CAMSAP2: variants seen among roughly 807,000 people sequenced by gnomAD.
CAMSAP2 encodes calmodulin regulated spectrin associated protein family member 2.
A neutral mutation model predicts 146.1 loss-of-function variants in CAMSAP2; 26 were observed. That is an observed-to-expected ratio of 0.18 (90% confidence interval 0.13 to 0.25). The LOEUF (loss-of-function observed/expected upper bound fraction) is 0.25. Ranked by LOEUF, CAMSAP2 falls within the 10% of genes least tolerant of loss-of-function variation. The pLI is 1.00. For synonymous variants in CAMSAP2, 499 were observed against 596.6 expected (o/e 0.84, Z 2.38); for missense variants, 1,381 against 1,759.3 (o/e 0.78, Z 3.85).
At chr1:200,831,179 T>C (rs1667033325) in intron 4 of CAMSAP2, among the ~76,000 whole-genome samples, 1 of 152,170 alleles carries the variant, frequency 6.6e-6, no homozygotes, top group Non-Finnish European at 1.5e-5. Flanking sequence ...GCAAAATACT[T>C]TCGTGTGTAC....
At chr1:200,824,400 A>G (rs1468010260) in intron 4 of CAMSAP2, among the ~76,000 whole-genome samples, 4 of 152,188 alleles carry the variant, frequency 2.6e-5, no homozygotes, top group Admixed American at 2.6e-4. Context: ...TCTGGGCACT[A>G]AGTGGCTCAT....
At chr1:200,811,873 C>G (rs529791983) in intron 3 of CAMSAP2, among the ~76,000 whole-genome samples, 1 of 152,280 alleles carries the variant, frequency 6.6e-6, no homozygotes, top group South Asian at 2.1e-4. Flanking sequence ...CCCTTTCTCA[C>G]TTCTTTGACT....
intron 14 of CAMSAP2, 115 bp downstream of exon 14, chr1:200,855,004 T>C (rs1667712676): frequency 5.6e-6 from 4 of 710,884 alleles, no homozygotes; most frequent in Non-Finnish European, 8.8e-6. Context: ...CAAATCATAA[T>C]CACAAATTTT....
rs1266875700 is a variant in CAMSAP2, at chr1:200,853,708, T to C, written c.3823+213T>C. Among the ~76,000 whole-genome samples the C allele has an allele frequency of 2.0e-5, 3 of 152,248 alleles. No homozygotes were observed. Among genetic ancestry groups the C allele is most frequent in the African/African-American group, 7.2e-5 (3 of 41,466 alleles). On this transcript the variant is annotated intron_variant, in intron 13 of 16. Transcript: ENST00000358823. The surrounding 1 kb of genome is among the most constrained non-coding windows in gnomAD (Gnocchi z 5.1). ...ATATATTCAGTAGAACAAATGTGAA[T>C]GCTAAAAATCAAATCTAAATATTAA...
At chr1:200,821,468 C>G (rs567803691) in intron 4 of CAMSAP2, among the ~76,000 whole-genome samples, 1 of 152,328 alleles carries the variant, frequency 6.6e-6, no homozygotes, top group South Asian at 2.1e-4. Flanking sequence ...AGGCCTTTGG[C>G]CAATGTGTAG....
At chr1:200,774,884 A>C (rs1374217435) in intron 2 of CAMSAP2, among the ~76,000 whole-genome samples, 2 of 152,202 alleles carry the variant, frequency 1.3e-5, no homozygotes, top group African/African-American at 4.8e-5. Context: ...TTACCATATA[A>C]TATGTGTGAT....
At chr1:200,751,308 C>A (rs1245330575) in intron 1 of CAMSAP2, among the ~76,000 whole-genome samples, 1 of 150,666 alleles carries the variant, frequency 6.6e-6, no homozygotes, top group African/African-American at 2.4e-5. Context: ...GATATTGTAC[C>A]CTACACTCCT....
Position 200,856,032 on chromosome 1 carries a change from T to A in CAMSAP2, c.3919T>A (p.Leu1307Ile). The change falls in exon 15 of 17, where the codon TTA becomes ATA. Residue 1307 changes from leucine (L) to isoleucine (I), a missense_variant. By Grantham distance (5) the Leu-to-Ile change is conservative. This residue lies in a region of CAMSAP2 where 560 missense variants were observed against 715.9 expected (regional missense o/e 0.78). Coordinates refer to ENST00000358823, the MANE Select transcript of CAMSAP2 (RefSeq NM_203459.4). The part of the protein sequence containing the change: ...TPRSESVEGF[L>I]SPSRCGSRNG... ...TAGATCAGAGTCTGTAGAAGGCTTC[T>A]TATCTCCAAGTCGTTGTGGCAGTCG... is the stretch of plus-strand genomic sequence containing the variant. 24 of 1,613,480 alleles carry A rather than the reference T, an allele frequency of 1.5e-5. No individual in the cohort carries two copies. Among genetic ancestry groups the A allele is most frequent in the Non-Finnish European group, 2.0e-5 (24 of 1,179,438 alleles).
intron 7 of CAMSAP2, 83 bp downstream of exon 7, chr1:200,842,170 A>G: frequency 2.0e-6 from 2 of 993,446 alleles, no homozygotes; most frequent in South Asian, 2.8e-5. Context: ...TTACATTTTT[A>G]GAAATCAGCC....
chr1:200,817,057 T>TAC (rs1271272341), intron 4 of CAMSAP2, among the ~76,000 whole-genome samples: 1 of 141,158 alleles, frequency 7.1e-6, no homozygotes, highest in East Asian at 2.1e-4. Flanking sequence ...TGTATGTGTA[T>TAC]ACACACACGT....
At chr1:200,776,229 G>T (rs1665275030) in intron 2 of CAMSAP2, among the ~76,000 whole-genome samples, 1 of 152,128 alleles carries the variant, frequency 6.6e-6, no homozygotes, top group African/African-American at 2.4e-5. Flanking sequence ...CAGCCTTCAG[G>T]TTGCTTTGTG....
chr1:200,772,982 A>G (rs1268833572), intron 2 of CAMSAP2, among the ~76,000 whole-genome samples: 1 of 152,202 alleles, frequency 6.6e-6, no homozygotes, highest in Non-Finnish European at 1.5e-5. Flanking sequence ...ATGTCCTTTT[A>G]AATTTGTCAG....
At position 200,857,544 on chromosome 1, in the gene CAMSAP2, T is replaced by G; in HGVS notation, c.4131+120T>G. 1.2e-6 allele frequency: 1 copy of G among 810,104 alleles called. No homozygotes were observed. The highest frequency in any genetic ancestry group is 2.0e-6 in the Non-Finnish European group (1 of 507,326). 50.2% of individuals were successfully genotyped at this position (810,104 alleles called of 1,614,324 possible). On this transcript the variant is annotated intron_variant, in intron 16 of 16. Transcript: ENST00000358823. The surrounding 1 kb of genome is among the most constrained non-coding windows in gnomAD (Gnocchi z 4.7). The stretch of plus-strand genomic sequence containing the variant: ...GCATGTAAAAAGATCTGTAGCTAGA[T>G]GTTTTAATTATCAGATTTAGTTTAT...
In CAMSAP2 at chr1:200,848,251, T is replaced by C. The variant is rs746107181; in HGVS notation, c.1482T>C (p.Ser494=). 9 of 1,613,396 alleles carry C rather than the reference T, an allele frequency of 5.6e-6. No homozygotes were observed. Among genetic ancestry groups the C allele is most frequent in the Non-Finnish European group, 1.7e-6 (2 of 1,179,768 alleles). ...TTGAAGAAGAACTTAATATAGATTC[T>C]CACAGTGACCTCAAATCTTGTGTGC... ...ESIEEELNID[S]HSDLKSCVPL... Residue 494 remains serine, a synonymous_variant, in exon 11 of 17, where the codon TCT becomes TCC. Transcript: ENST00000358823.
intron 4 of CAMSAP2, among the ~76,000 whole-genome samples, chr1:200,818,539 TC>T (rs1273943462): frequency 6.6e-6 from 1 of 152,076 alleles, no homozygotes; most frequent in South Asian, 2.1e-4. Flanking sequence ...TTTATCCTTT[TC>T]CCCCCATTGT....
intron 3 of CAMSAP2, among the ~76,000 whole-genome samples, chr1:200,811,770 A>G (rs1439255963): frequency 1.3e-5 from 2 of 152,102 alleles, no homozygotes; most frequent in Non-Finnish European, 2.9e-5. Flanking sequence ...ACTTCACTTT[A>G]CCCTTAAAAT....
chr1:200,778,588 T>A (rs1665346626), intron 2 of CAMSAP2, among the ~76,000 whole-genome samples: 1 of 152,224 alleles, frequency 6.6e-6, no homozygotes, highest in Non-Finnish European at 1.5e-5. Context: ...GCTTTTTGTG[T>A]CTAGCTGTGT....
intron 6 of CAMSAP2, among the ~76,000 whole-genome samples, chr1:200,835,941 T>C (rs991794709): frequency 6.6e-6 from 1 of 152,232 alleles, no homozygotes; most frequent in Admixed American, 6.5e-5. Flanking sequence ...GATGTTTATA[T>C]CAACTTTGTC....
intron 7 of CAMSAP2, among the ~76,000 whole-genome samples, chr1:200,843,243 AAGAAG>A (rs1463221306): frequency 6.6e-6 from 1 of 152,286 alleles, no homozygotes; most frequent in East Asian, 1.9e-4. Flanking sequence ...CAAAAAATAA[AAGAAG>A]AGAAAGTGAT....
Sources: allele counts gnomAD v4.1 joint callset (sites outside exome capture counted in the v4.1 genomes callset), GRCh38; gene constraint gnomAD v4.1.1; regional missense constraint gnomAD v4.1.1; non-coding constraint Gnocchi (gnomAD v3.1); transcripts MANE v1.5; gene names NCBI Gene and HGNC (gene_info 2026-07-23, HGNC 2026-07-21).